The following HDAC8 variants were observed in gnomAD, a reference collection of about 807,000 sequenced individuals.
The protein encoded by HDAC8 is histone deacetylase 8.
A neutral mutation model predicts 32.2 loss-of-function variants in HDAC8; 1 was observed. The ratio of observed to expected loss-of-function variants is 0.03; its 90% CI spans 0.01 to 0.15. The LOEUF is 0.15. Ranked by LOEUF, HDAC8 falls within the 10% of genes least tolerant of loss-of-function variation. The probability of loss-of-function intolerance (pLI) is 1.00; values close to 1 mark genes in which losing one functional copy is unlikely to be tolerated. For synonymous variants in HDAC8, 108 were observed against 113.9 expected (o/e 0.95, Z 0.33); for missense variants, 117 against 300.0 (o/e 0.39, Z 4.51).
intron 4 of HDAC8, among the ~76,000 whole-genome samples, chrX:72,515,184 C>G (rs182043604): frequency 9.0e-6 from 1 of 110,813 alleles, no homozygotes; most frequent in South Asian, 3.9e-4. Flanking sequence ...TATCCCCTGA[C>G]CAACATCTCC....
intron 9 of HDAC8, among the ~76,000 whole-genome samples, chrX:72,440,957 T>C (rs1467077803): frequency 8.9e-6 from 1 of 112,592 alleles, no homozygotes; most frequent in Admixed American, 9.3e-5. Context: ...GAGTTCAAAC[T>C]GCAAGGCGGC....
At chrX:72,389,140 A>T (rs2045542399) in intron 9 of HDAC8, among the ~76,000 whole-genome samples, 1 of 111,667 alleles carries the variant, frequency 9.0e-6, no homozygotes, top group Admixed American at 9.6e-5. Context: ...CATGCCTCTT[A>T]AATCACCAGA....
At chrX:72,521,196 G>A (rs782240298) in intron 4 of HDAC8, among the ~76,000 whole-genome samples, 1 of 104,695 alleles carries the variant, frequency 9.6e-6, no homozygotes, top group South Asian at 3.8e-4. Flanking sequence ...TTATTGTACT[G>A]GGGGGCTGCA....
At chrX:72,491,237 C>T (rs1556009508) in intron 5 of HDAC8, among the ~76,000 whole-genome samples, 2 of 111,702 alleles carry the variant, frequency 1.8e-5, no homozygotes, top group East Asian at 2.8e-4. Flanking sequence ...TTTTCAAACT[C>T]ATGGAAAACT....
chrX:72,563,712 T>C (rs1569409097), intron 4 of HDAC8, among the ~76,000 whole-genome samples: 2 of 111,356 alleles, frequency 1.8e-5, no homozygotes, highest in South Asian at 7.6e-4. Context: ...AATACCTTCA[T>C]GAAAATAGTT....
intron 4 of HDAC8, among the ~76,000 whole-genome samples, chrX:72,501,520 G>GA (rs138660349): frequency 0.18 from 19,579 of 110,826 alleles, 1,741 homozygotes; most frequent in Non-Finnish European, 0.27. Flanking sequence ...AGCAATGGGG[G>GA]AAAGACTCCC....
At chrX:72,553,322 G>A (rs1169291988) in intron 4 of HDAC8, among the ~76,000 whole-genome samples, 1 of 111,723 alleles carries the variant, frequency 9.0e-6, no homozygotes, top group Non-Finnish European at 1.9e-5. Context: ...GGGATTACAG[G>A]TGTGAGCCAC....
chrX:72,564,553 A>G (rs1556129132), intron 4 of HDAC8, among the ~76,000 whole-genome samples: 2 of 112,150 alleles, frequency 1.8e-5, no homozygotes, highest in Non-Finnish European at 1.9e-5. Flanking sequence ...TAGTGTTTAA[A>G]ATTTGCTTTT....
intron 10 of HDAC8, among the ~76,000 whole-genome samples, chrX:72,337,258 T>A (rs931812970): frequency 1.8e-5 from 2 of 112,465 alleles, no homozygotes; most frequent in Non-Finnish European, 3.8e-5. Context: ...CCTACAGCTA[T>A]GCTGCTCAAT....
chrX:72,550,564 C>T (rs2051031940), intron 4 of HDAC8, among the ~76,000 whole-genome samples: 1 of 110,505 alleles, frequency 9.0e-6, no homozygotes, highest in African/African-American at 3.3e-5. Flanking sequence ...CACACACACA[C>T]CCCAGAACAA....
chrX:72,526,147 C>T (rs1347628499), intron 4 of HDAC8, among the ~76,000 whole-genome samples: 1 of 111,274 alleles, frequency 9.0e-6, no homozygotes, highest in Non-Finnish European at 1.9e-5. Flanking sequence ...TGTGACCCAG[C>T]CCTTAGGTAC....
intron 9 of HDAC8, among the ~76,000 whole-genome samples, chrX:72,372,496 A>T (rs376875531): frequency 8.9e-6 from 1 of 111,771 alleles, no homozygotes; most frequent in South Asian, 3.7e-4. Context: ...GAAAGAATGA[A>T]CATGTTCTCT....
At chrX:72,478,655 C>CTT (rs199844895) in intron 7 of HDAC8, among the ~76,000 whole-genome samples, 27 of 93,796 alleles carry the variant, frequency 2.9e-4, no homozygotes, top group African/African-American at 8.6e-4. Context: ...TCCTTTAGTC[C>CTT]TTTTTTTTTT....
At chrX:72,375,432 C>T (rs1172246746) in intron 9 of HDAC8, among the ~76,000 whole-genome samples, 1 of 111,124 alleles carries the variant, frequency 9.0e-6, no homozygotes, top group Non-Finnish European at 1.9e-5. Context: ...AGTCTGAGGG[C>T]TTGAGAACCA....
chrX:72,419,595 C>T (rs916747231), intron 9 of HDAC8, among the ~76,000 whole-genome samples: 8 of 111,368 alleles, frequency 7.2e-5, no homozygotes, highest in Non-Finnish European at 1.5e-4. Context: ...ATTTGGATGC[C>T]TTTTATTCAT....
chrX:72,487,013 A>G lies in HDAC8; in HGVS notation c.737+1920T>C, dbSNP rs148473806. 1.5e-4 allele frequency among the ~76,000 whole-genome samples: 17 copies of G among 111,861 alleles called. No homozygotes were observed. The East Asian group carries it at 4.0e-3, about 26-fold the overall frequency. On this transcript the variant is annotated intron_variant, in intron 7 of 10. Coordinates refer to ENST00000373573, the MANE Select transcript of HDAC8 (RefSeq NM_018486.3). ...GATCACTGTGTGGCTTGCATTGCCA[A>G]TGTGGGTCCACAGGCAAAGGGGCCC...
intron 9 of HDAC8, among the ~76,000 whole-genome samples, chrX:72,417,242 G>C (rs782362767): frequency 2.7e-5 from 3 of 111,311 alleles, no homozygotes; most frequent in Non-Finnish European, 3.8e-5. Context: ...GAGCAATCAG[G>C]CAAGATAAAG....
At chrX:72,370,156 G>A (rs1464090164) in intron 9 of HDAC8, among the ~76,000 whole-genome samples, 1 of 112,226 alleles carries the variant, frequency 8.9e-6, no homozygotes, top group Non-Finnish European at 1.9e-5. Flanking sequence ...GATGTCCAGA[G>A]GGGCTTCAAG....
At chrX:72,494,910 T>C (rs2048975444) in intron 5 of HDAC8, among the ~76,000 whole-genome samples, 2 of 111,570 alleles carry the variant, frequency 1.8e-5, no homozygotes, top group Non-Finnish European at 3.8e-5. Context: ...TTTCACTTCT[T>C]AACATTCTCT....
Sources: gnomAD v4.1 joint callset for allele counts (sites outside exome capture counted in the v4.1 genomes callset) on GRCh38, gnomAD v4.1.1 for gene constraint, MANE v1.5 for transcripts, NCBI Gene and HGNC (gene_info 2026-07-23, HGNC 2026-07-21) for gene names.